Variants in C12orf42 observed in about 807,000 individuals in gnomAD.
The protein encoded by C12orf42 is chromosome 12 open reading frame 42.
Under a neutral mutation model 21.6 loss-of-function variants are expected in C12orf42, and 25 were observed. The observed-to-expected ratio is 1.16, with a 90% CI of 0.84 to 1.62. The LOEUF is 1.62. C12orf42 is among the 40% of genes most tolerant of loss of function. C12orf42 has a pLI of 0.00. For missense variants in C12orf42, 483 were observed against 459.3 expected, an observed-to-expected ratio of 1.05 and a Z score of -0.47; for synonymous variants, 174 against 175.0, an observed-to-expected ratio of 0.99 and a Z score of 0.05.
At chr12:103,183,113 T>C in the C12orf42 span, among the ~76,000 whole-genome samples, 2 of 152,208 alleles carry the variant, frequency 1.3e-5, no homozygotes, top group African/African-American at 4.8e-5. Flanking sequence ...ACGGAATCTC[T>C]TCTCTGTCGC....
chr12:103,489,433 G>A (rs946524572), intron 1 of C12orf42, among the ~76,000 whole-genome samples: 5 of 152,242 alleles, frequency 3.3e-5, no homozygotes, highest in Admixed American at 6.5e-5. Flanking sequence ...GAAGCAGTCT[G>A]TCTGTTCTCA....
chr12:103,437,232 A>C (rs1273348884), intron 2 of C12orf42, among the ~76,000 whole-genome samples: 4 of 152,222 alleles, frequency 2.6e-5, no homozygotes, highest in African/African-American at 9.7e-5. Flanking sequence ...AACATACCAG[A>C]ATCTCTGGGA....
chr12:103,232,274 A>G, the C12orf42 span, among the ~76,000 whole-genome samples: 2 of 152,170 alleles, frequency 1.3e-5, no homozygotes, highest in East Asian at 1.9e-4. Flanking sequence ...ATCTCTTTAT[A>G]GTATCTTTAG....
chr12:103,412,539 G>T (rs1402931345), intron 2 of C12orf42, among the ~76,000 whole-genome samples: 2 of 152,098 alleles, frequency 1.3e-5, no homozygotes. Flanking sequence ...CATGGTGGTG[G>T]GCACCTCTAA....
intron 3 of C12orf42, among the ~76,000 whole-genome samples, chr12:103,381,107 C>T (rs1008384411): frequency 2.6e-5 from 4 of 152,156 alleles, no homozygotes; most frequent in Non-Finnish European, 4.4e-5. Flanking sequence ...TATCCTGAAG[C>T]AAAAGGAAAT....
intron 10 of C12orf42, among the ~76,000 whole-genome samples, chr12:103,259,908 C>T (rs975562186): frequency 1.3e-5 from 2 of 152,096 alleles, no homozygotes; most frequent in South Asian, 2.1e-4. Flanking sequence ...TGGCACATTC[C>T]AGTTTAGAAC....
the C12orf42 span, among the ~76,000 whole-genome samples, chr12:103,555,264 T>C: frequency 1.3e-5 from 2 of 152,046 alleles, no homozygotes; most frequent in African/African-American, 4.8e-5. Flanking sequence ...ACAATCATGG[T>C]GGAAGGCAAG....
chr12:103,129,903 A>G, the C12orf42 span, among the ~76,000 whole-genome samples: 4 of 152,170 alleles, frequency 2.6e-5, no homozygotes, highest in East Asian at 7.7e-4. Context: ...TCTGTCTTCC[A>G]TATGTGTGTA....
chr12:103,416,963 C>T (rs936329581), intron 2 of C12orf42, among the ~76,000 whole-genome samples: 1 of 152,140 alleles, frequency 6.6e-6, no homozygotes, highest in African/African-American at 2.4e-5. Flanking sequence ...AGGGCCTATC[C>T]TTCCCTTATT....
At chr12:103,195,965 T>C in the C12orf42 span, among the ~76,000 whole-genome samples, 296 of 152,208 alleles carry the variant, frequency 1.9e-3, 2 homozygotes, top group African/African-American at 7.0e-3. Context: ...TATTTGTATA[T>C]GGTAAAAGGA....
the C12orf42 span, among the ~76,000 whole-genome samples, chr12:103,088,263 T>C: frequency 6.6e-6 from 1 of 152,230 alleles, no homozygotes; most frequent in Non-Finnish European, 1.5e-5. Context: ...TATTGTTGTT[T>C]CCCAACATCT....
At chr12:103,518,398 G>A in the C12orf42 span, among the ~76,000 whole-genome samples, 24 of 152,062 alleles carry the variant, frequency 1.6e-4, no homozygotes, top group Non-Finnish European at 2.5e-4. Flanking sequence ...GGGACTAGAC[G>A]CCAGAAACTC....
chr12:103,278,967 G>A (rs2035941899), intron 4 of C12orf42, among the ~76,000 whole-genome samples: 1 of 152,158 alleles, frequency 6.6e-6, no homozygotes, highest in South Asian at 2.1e-4. Flanking sequence ...GTAAGTGGGA[G>A]GCAGTATTTG....
intron 4 of C12orf42, among the ~76,000 whole-genome samples, chr12:103,294,431 A>AAAGC (rs1555245909): frequency 1.2e-5 from 1 of 81,074 alleles, no homozygotes; most frequent in Non-Finnish European, 2.3e-5. Context: ...GGAGAGAGAG[A>AAAGC]AAGAAAGAAA....
At chr12:103,327,883 C>T (rs2040855218) in intron 4 of C12orf42, among the ~76,000 whole-genome samples, 1 of 152,150 alleles carries the variant, frequency 6.6e-6, no homozygotes, top group Non-Finnish European at 1.5e-5. Flanking sequence ...CTGTATTAAA[C>T]AGGACTCCAT....
the C12orf42 span, among the ~76,000 whole-genome samples, chr12:103,204,856 G>C: frequency 8.6e-5 from 11 of 127,576 alleles, no homozygotes; most frequent in East Asian, 2.7e-3. Flanking sequence ...TAAAATATTT[G>C]TAATATTGAC....
chr12:103,246,421 A>G (rs906806271), intron 10 of C12orf42, among the ~76,000 whole-genome samples: 1 of 152,082 alleles, frequency 6.6e-6, no homozygotes, highest in Non-Finnish European at 1.5e-5. Flanking sequence ...AATTAATTAT[A>G]TTTTAAGAGG....
intron 10 of C12orf42, among the ~76,000 whole-genome samples, chr12:103,249,036 A>C (rs185352686): frequency 1.6e-4 from 25 of 152,126 alleles, no homozygotes; most frequent in African/African-American, 5.8e-4. Context: ...CCAACTAATA[A>C]AACACAACAT....
At chr12:103,263,862 C>T (rs752433412), downstream of C12orf42, among the ~76,000 whole-genome samples, 9 of 152,148 alleles carry the variant, frequency 5.9e-5, no homozygotes, top group East Asian at 1.9e-4. Context: ...AATATATACA[C>T]CACCAATCAT....
Sources: gnomAD v4.1 joint callset for allele counts (sites outside exome capture counted in the v4.1 genomes callset) on GRCh38, gnomAD v4.1.1 for gene constraint, MANE v1.5 for transcripts, NCBI Gene and HGNC (gene_info 2026-07-23, HGNC 2026-07-21) for gene names.